SLC5A6: variants seen among roughly 807,000 people sequenced by gnomAD.
SLC5A6 encodes the protein sodium-dependent multivitamin transporter.
A neutral mutation model predicts 67.9 loss-of-function variants in SLC5A6; 31 were observed. The ratio of observed to expected loss-of-function variants is 0.46; its 90% CI spans 0.34 to 0.62. The LOEUF (loss-of-function observed/expected upper bound fraction) is 0.62. SLC5A6 is among the 20% of genes least tolerant of loss of function. The probability of loss-of-function intolerance (pLI) is 0.01; values close to 1 mark genes in which losing one functional copy is unlikely to be tolerated. For missense variants in SLC5A6, 673 were observed against 812.8 expected (o/e 0.83, Z 2.09); for synonymous variants, 343 against 331.0 (o/e 1.04, Z -0.39).
intron 11 of SLC5A6, 143 bp downstream of exon 11, chr2:27,203,090 C>G (rs1673777957): frequency 6.7e-7 from 1 of 1,503,026 alleles, no homozygotes; most frequent in African/African-American, 1.4e-5. Flanking sequence ...TGGAAACAAC[C>G]ATGCATGCAG....
intron 13 of SLC5A6, 46 bp downstream of exon 13, chr2:27,201,942 G>A (rs749295508): frequency 1.9e-6 from 3 of 1,606,422 alleles, no homozygotes; most frequent in Non-Finnish European, 2.6e-6. Flanking sequence ...CCAACCCCCA[G>A]GTCCATCCTG....
Position 27,206,486 on chromosome 2 carries a change from C to A in SLC5A6, c.508G>T (p.Ala170Ser). The change falls in exon 5 of 17, where the codon GCA becomes TCA. Residue 170 changes from alanine (A) to serine (S), a missense_variant. Coordinates refer to ENST00000310574, the MANE Select transcript of SLC5A6 (RefSeq NM_021095.4). ...VLYAPSLALNAVTGFDLWLSV... is the reference protein window; with the variant it reads ...VLYAPSLALNSVTGFDLWLSV... ...CAGGGGCTGTGTGACTCCTCACCTG[C>A]ATTGAGAGCCAATGACGGAGCATAG... is the stretch of plus-strand genomic sequence containing the variant. 6.2e-7 allele frequency: 1 copy of A among 1,614,130 alleles called. No individual in the cohort carries two copies. The highest frequency in any genetic ancestry group is 8.5e-7 in the Non-Finnish European group (1 of 1,179,996).
chr2:27,206,824 G>T, intron 4 of SLC5A6, 53 bp downstream of exon 4: 1 of 1,349,974 alleles, frequency 7.4e-7, no homozygotes, highest in Non-Finnish European at 1.1e-6. Flanking sequence ...GCATGCTTGC[G>T]TTCAGGTCCC....
rs1572377906 is a variant in SLC5A6 at position 27,199,706 on chromosome 2, A to C, written c.*730T>G. The C allele has an allele frequency of 6.6e-6, 1 of 152,608 alleles. No individual in the cohort carries two copies. Among genetic ancestry groups the C allele is most frequent in the African/African-American group, 2.4e-5 (1 of 41,458 alleles). The allele number at this position is 152,608 out of a possible 1,614,324, so 9.5% of individuals were successfully genotyped here. On this transcript the variant is annotated 3_prime_UTR_variant, in exon 17 of 17. Transcript: ENST00000310574. ...ACCACGGCAGCCTGGCTCAGGAGTC[A>C]GGTAGATAGATGGCTGCTCCACAGT...
chr2:27,203,917 A>G (rs778609362), intron 9 of SLC5A6, 50 bp from the exon 10 acceptor site: 25 of 1,404,828 alleles, frequency 1.8e-5, no homozygotes, highest in Admixed American at 5.2e-5. Context: ...GGGTCTTCCC[A>G]GGGCCGGCTC....
chr2:27,210,050 AC>A (rs528410638), intron 2 of SLC5A6, among the ~76,000 whole-genome samples: 11 of 152,334 alleles, frequency 7.2e-5, no homozygotes, highest in African/African-American at 2.6e-4. Context: ...TGTGCAAAGA[AC>A]ACAGAACAAA....
chr2:27,207,896 G>A lies in SLC5A6; in HGVS notation c.-140-106C>T. The stretch of plus-strand genomic sequence containing the variant: ...CAGAAGTGGACCAGCCAGCATAGTG[G>A]TAGCCCTTCAAGGTCTAGAGGCCCT... On this transcript the variant is annotated intron_variant, in intron 2 of 16. Coordinates refer to ENST00000310574, the MANE Select transcript of SLC5A6 (RefSeq NM_021095.4). This position sits in a 1 kb window ranked among gnomAD's most constrained non-coding sequence, Gnocchi z 5.5. The A allele has an allele frequency of 1.8e-6, 1 of 546,558 alleles. No homozygotes were observed. The highest frequency in any genetic ancestry group is 2.9e-5 in the East Asian group (1 of 34,160). The allele number at this position is 546,558 out of a possible 1,614,324, so 33.9% of individuals were successfully genotyped here.
chr2:27,204,345 T>C (rs536668130), intron 9 of SLC5A6, 116 bp downstream of exon 9: 9 of 1,212,828 alleles, frequency 7.4e-6, no homozygotes, highest in Non-Finnish European at 1.0e-5. Context: ...GAAAGGATTT[T>C]ACAACCGTCT....
upstream of SLC5A6, chr2:27,212,299 G>A (rs1395206301): frequency 3.2e-6 from 5 of 1,550,994 alleles, no homozygotes; most frequent in Non-Finnish European, 4.4e-6. Context: ...GGGGAAGAGG[G>A]CCTGACGCGC....
chr2:27,210,710 T>G (rs967234520), intron 2 of SLC5A6, among the ~76,000 whole-genome samples: 2 of 151,218 alleles, frequency 1.3e-5, no homozygotes, highest in African/African-American at 4.9e-5. Flanking sequence ...ATCGGTGGCC[T>G]GGCCACCGCG....
chr2:27,200,187 T>C lies in SLC5A6; in HGVS notation c.*249A>G. On this transcript the variant is annotated 3_prime_UTR_variant, in exon 17 of 17. Coordinates refer to ENST00000310574, the MANE Select transcript of SLC5A6 (RefSeq NM_021095.4). The stretch of plus-strand genomic sequence containing the variant: ...ACTTCCATCCCTATTTCTGGCATGA[T>C]CCTGCTCCCTACGAGCCTGATCCTT... 1 of 413,718 alleles carries C rather than the reference T, an allele frequency of 2.4e-6. No individual in the cohort carries two copies. The allele number at this position is 413,718 out of a possible 1,614,324, so 25.6% of individuals were successfully genotyped here.
intron 5 of SLC5A6, 173 bp from the exon 6 acceptor site, chr2:27,206,266 C>T (rs1674055403): frequency 2.8e-6 from 2 of 706,472 alleles, no homozygotes; most frequent in East Asian, 5.4e-5. Flanking sequence ...AAGATATTGA[C>T]TAACCAGTTC....
chr2:27,212,239 G>GC lies in SLC5A6; in HGVS notation c.-428dup. ...GCGCAGAGCTCCACGAGCAGGAAAA[G>GC]CCCCCAAGCAGCCCCAGGGCGACTG... On this transcript the variant is annotated 5_prime_UTR_variant, in exon 1 of 17. Coordinates refer to ENST00000310574, the MANE Select transcript of SLC5A6 (RefSeq NM_021095.4). 1 of 1,561,408 alleles carries GC rather than the reference G, an allele frequency of 6.4e-7. No individual in the cohort carries two copies. The highest frequency in any genetic ancestry group is 8.7e-7 in the Non-Finnish European group (1 of 1,153,356).
rs1674183197 is a variant in SLC5A6 at position 27,207,776 on chromosome 2, A to G, written c.-126T>C. The G allele has an allele frequency of 1.1e-6, 1 of 882,680 alleles. No individual in the cohort carries two copies. The allele number at this position is 882,680 out of a possible 1,614,324, so 54.7% of individuals were successfully genotyped here. ...TCACAGTCTTCCTCCACGGAGTGAT[A>G]CTGTCCAGGGTGAGCTGCAAAGGAA... On this transcript the variant is annotated 5_prime_UTR_variant, in exon 3 of 17. Transcript: ENST00000310574. This position sits in a 1 kb window ranked among gnomAD's most constrained non-coding sequence, Gnocchi z 5.5.
Position 27,212,208 on chromosome 2 carries a change from A to T in SLC5A6, c.-396T>A. 2 of 1,556,046 alleles carry T rather than the reference A, an allele frequency of 1.3e-6. No homozygotes were observed. The highest frequency in any genetic ancestry group is 1.7e-6 in the Non-Finnish European group (2 of 1,150,398). ...CCCGAAAGAGGGCTAGGGCGCATGA[A>T]GACCAGCGCAGAGCTCCACGAGCAG... On this transcript the variant is annotated 5_prime_UTR_variant, in exon 1 of 17. Coordinates refer to ENST00000310574, the MANE Select transcript of SLC5A6 (RefSeq NM_021095.4).
intron 11 of SLC5A6, 147 bp from the exon 12 acceptor site, chr2:27,203,027 C>T: frequency 2.7e-6 from 4 of 1,504,892 alleles, no homozygotes; most frequent in Admixed American, 2.5e-5. Context: ...CTTCCTCCCA[C>T]CAAGTCCTCA....
upstream of SLC5A6, chr2:27,212,335 T>C: frequency 6.5e-7 from 1 of 1,549,150 alleles, no homozygotes; most frequent in Non-Finnish European, 8.7e-7. Flanking sequence ...CGGGGCCGGG[T>C]CGCGCGAGCA....
intron 2 of SLC5A6, among the ~76,000 whole-genome samples, chr2:27,209,561 G>A (rs1674312930): frequency 6.6e-6 from 1 of 152,242 alleles, no homozygotes; most frequent in African/African-American, 2.4e-5. Context: ...CTGCAGCTAT[G>A]ACAGGTGTTC....
chr2:27,203,137 C>A lies in SLC5A6; in HGVS notation c.1207+96G>T, dbSNP rs1673781979. ...TGCTTCATTAGGCAAGTGCTGAGCC[C>A]CGGATAAAGTGGGTGTTTTACAGCA... On this transcript the variant is annotated intron_variant, in intron 11 of 16. Transcript: ENST00000310574. 8.9e-6 allele frequency: 14 copies of A among 1,577,076 alleles called. No individual in the cohort carries two copies. In the South Asian group the frequency reaches 1.4e-4, roughly 16 times the overall value.
Sources: gnomAD v4.1 joint callset for allele counts (sites outside exome capture counted in the v4.1 genomes callset) on GRCh38, gnomAD v4.1.1 for gene constraint, Gnocchi (gnomAD v3.1) non-coding constraint, MANE v1.5 for transcripts, NCBI Gene and HGNC (gene_info 2026-07-23, HGNC 2026-07-21) for gene names.